Variants in PRELID3B observed in about 807,000 individuals in gnomAD.
PRELID3B encodes PRELI domain containing 3B.
In PRELID3B, 15 loss-of-function variants were observed where a neutral mutation model predicts 24.0. That is an observed-to-expected ratio of 0.63 (90% confidence interval 0.42 to 0.96). The LOEUF is 0.96. Ranked by LOEUF, PRELID3B falls within the 40% of genes least tolerant of loss-of-function variation. The pLI is 0.00. For synonymous variants in PRELID3B, 62 were observed against 76.0 expected (o/e 0.82, Z 0.96); for missense variants, 189 against 236.0 (o/e 0.80, Z 1.30).
intron 1 of PRELID3B, among the ~76,000 whole-genome samples, chr20:59,042,307 C>T (rs1465841254): frequency 1.3e-5 from 2 of 152,276 alleles, no homozygotes; most frequent in East Asian, 1.9e-4. Flanking sequence ...CTCTTGGGAT[C>T]CTCGGGTCCA....
chr20:59,041,144 TCTGAAGCATGCAAACCCAGAAGAGGA>T (rs1411936907), intron 1 of PRELID3B, among the ~76,000 whole-genome samples: 1 of 152,042 alleles, frequency 6.6e-6, no homozygotes, highest in Non-Finnish European at 1.5e-5. Flanking sequence ...GCCGAGAACC[TCTGAAGCATGCAAACCCAGAAGAGGA>T]CTGAAGCATG....
chr20:59,039,980 CT>C (rs1467890901), intron 1 of PRELID3B, among the ~76,000 whole-genome samples: 1 of 152,192 alleles, frequency 6.6e-6, no homozygotes, highest in Admixed American at 6.5e-5. Context: ...AGCACTGATT[CT>C]TACCAAGGCA....
rs61329417 is a variant in PRELID3B at position 59,038,649 on chromosome 20, C to CAA, written c.33-17_33-16dup. The CAA allele has an allele frequency of 1.2e-4, 152 of 1,303,486 alleles. No homozygotes were observed. Among genetic ancestry groups the CAA allele is most frequent in the South Asian group, 3.1e-4 (15 of 48,812 alleles). 80.7% of individuals were successfully genotyped at this position (1,303,486 alleles called of 1,614,324 possible). A position where few individuals can be genotyped will look rare whatever the true frequency, so the allele number is the denominator to read the frequency against. The stretch of plus-strand genomic sequence containing the variant: ...CCCACGGGTGGCTGCCGATGTGAAC[C>CAA]AAAAAAAAAAAAAAAAAAATTCAGA... On this transcript the variant is annotated splice_polypyrimidine_tract_variant and intron_variant, in intron 1 of 5. Coordinates refer to ENST00000355937, the MANE Select transcript of PRELID3B (RefSeq NM_016045.3).
rs1235239406 is a variant in PRELID3B, at chr20:59,040,367, T to C, written c.33-1733A>G. Among the ~76,000 whole-genome samples the C allele has an allele frequency of 6.6e-6, 1 of 152,260 alleles. No homozygotes were observed. Among genetic ancestry groups the C allele is most frequent in the African/African-American group, 2.4e-5 (1 of 41,470 alleles). The stretch of plus-strand genomic sequence containing the variant: ...ACGCCAAAGTAGAATCAGGAGGACC[T>C]GGCTATGGCTCACTGACCGGTCCAA... On this transcript the variant is annotated intron_variant, in intron 1 of 5. Coordinates refer to ENST00000355937, the MANE Select transcript of PRELID3B (RefSeq NM_016045.3). The surrounding 1 kb of genome is among the most constrained non-coding windows in gnomAD (Gnocchi z 4.1).
chr20:59,042,635 C>T (rs1316267826), intron 1 of PRELID3B, 64 bp downstream of exon 1: 3 of 1,545,560 alleles, frequency 1.9e-6, no homozygotes, highest in African/African-American at 1.4e-5. Context: ...CCGCCTCTGC[C>T]TCGCCTCTAC....
chr20:59,039,054 C>T (rs542751131), intron 1 of PRELID3B, among the ~76,000 whole-genome samples: 26 of 152,256 alleles, frequency 1.7e-4, no homozygotes, highest in East Asian at 1.2e-3. Context: ...TCAGTTTATA[C>T]GGAAGTAACA....
rs2092103634 is a variant in PRELID3B at position 59,040,598 on chromosome 20, CAG to C, written c.33-1966_33-1965del. On this transcript the variant is annotated intron_variant, in intron 1 of 5. Transcript: ENST00000355937. The surrounding 1 kb of genome is among the most constrained non-coding windows in gnomAD (Gnocchi z 4.1). ...AAGAAAAGTGTTGGAAAATCAAAGA[CAG>C]ATAAGATGTAGAATGATGACTTAGA... 6.6e-6 allele frequency among the ~76,000 whole-genome samples: 1 copy of C among 152,184 alleles called. No homozygotes were observed. The highest frequency in any genetic ancestry group is 6.5e-5 in the Admixed American group (1 of 15,286).
chr20:59,041,226 G>A (rs958678640), intron 1 of PRELID3B, among the ~76,000 whole-genome samples: 2 of 152,160 alleles, frequency 1.3e-5, no homozygotes, highest in African/African-American at 2.4e-5. Context: ...GAGCTGAAAT[G>A]GACTAGTGAT....
In PRELID3B at chr20:59,033,700, C is replaced by T. The variant is rs2092050436; in HGVS notation, c.*1307G>A. 1 of 152,204 alleles carries T rather than the reference C, an allele frequency of 6.6e-6. No homozygotes were observed. Among genetic ancestry groups the T allele is most frequent in the African/African-American group, 2.4e-5 (1 of 41,434 alleles). The allele number at this position is 152,204 out of a possible 1,614,324, so 9.4% of individuals were successfully genotyped here. ...AGGAAACATGACTAGAAGTTTATCACACTAAGCACTGTAAAATAAAGGCAA... is the reference window on the plus strand; with the variant it reads ...AGGAAACATGACTAGAAGTTTATCATACTAAGCACTGTAAAATAAAGGCAA... On this transcript the variant is annotated 3_prime_UTR_variant, in exon 6 of 6. Coordinates refer to ENST00000355937, the MANE Select transcript of PRELID3B (RefSeq NM_016045.3).
rs34173406 is a variant in PRELID3B at position 59,034,890 on chromosome 20, CA to C, written c.*116del. 18,147 of 664,394 alleles carry C rather than the reference CA, an allele frequency of 0.027. 30 individuals are homozygous for C. The highest frequency in any genetic ancestry group is 0.057 in the African/African-American group (2,344 of 41,392). 41.2% of individuals were successfully genotyped at this position (664,394 alleles called of 1,614,324 possible). On this transcript the variant is annotated 3_prime_UTR_variant, in exon 6 of 6. Transcript: ENST00000355937. ...GTCACATAGCCTTACACCAACTTAT[CA>C]AAAAAAAAAAAAAAAAAACTACCCA...
chr20:59,038,825 T>A (rs2092092900), intron 1 of PRELID3B, among the ~76,000 whole-genome samples, 191 bp from the exon 2 acceptor site: 1 of 152,212 alleles, frequency 6.6e-6, no homozygotes, highest in Non-Finnish European at 1.5e-5. Flanking sequence ...CAGGCTTCAG[T>A]ATTTTTCCAC....
At chr20:59,042,325 A>G (rs1043655461) in intron 1 of PRELID3B, among the ~76,000 whole-genome samples, 4 of 152,350 alleles carry the variant, frequency 2.6e-5, no homozygotes, top group Non-Finnish European at 4.4e-5. Context: ...CCACGTCCCA[A>G]AGTGGTTTCA....
At chr20:59,037,109 A>G (rs1328496317) in intron 3 of PRELID3B, 82 bp downstream of exon 3, 1 of 1,012,446 alleles carries the variant, frequency 9.9e-7, no homozygotes, top group South Asian at 1.4e-5. Flanking sequence ...ATGAACACGC[A>G]CTCACTTCTA....
intron 1 of PRELID3B, among the ~76,000 whole-genome samples, chr20:59,039,055 G>A (rs1490236508): frequency 3.3e-5 from 5 of 152,090 alleles, no homozygotes; most frequent in South Asian, 2.1e-4. Flanking sequence ...CAGTTTATAC[G>A]GAAGTAACAA....
rs745704134 is a variant in PRELID3B at position 59,036,468 on chromosome 20, T to C, written c.465+3A>G. 10 of 1,605,814 alleles carry C rather than the reference T, an allele frequency of 6.2e-6. No homozygotes were observed. The highest frequency in any genetic ancestry group is 6.0e-6 in the Non-Finnish European group (7 of 1,174,274). ...ATAATAACCAAGAAGCAGCCTCACT[T>C]ACTTTACTAGCATTTGAGGATATCG... On this transcript the variant is annotated splice_donor_region_variant and intron_variant, in intron 5 of 5. Transcript: ENST00000355937.
chr20:59,036,869 CAAAT>C (rs1358846274), intron 3 of PRELID3B, 109 bp from the exon 4 acceptor site: 27 of 724,992 alleles, frequency 3.7e-5, no homozygotes, highest in Middle Eastern at 3.8e-4. Context: ...TACAAAACAA[CAAAT>C]AAACCGCTGC....
intron 3 of PRELID3B, 84 bp downstream of exon 3, chr20:59,037,107 G>A (rs1332362365): frequency 4.1e-6 from 4 of 982,136 alleles, no homozygotes; most frequent in Admixed American, 2.0e-5. Flanking sequence ...TCATGAACAC[G>A]CACTCACTTC....
intron 1 of PRELID3B, among the ~76,000 whole-genome samples, chr20:59,039,452 CACA>C (rs144360277): frequency 0.017 from 2,648 of 152,322 alleles, 27 homozygotes; most frequent in Non-Finnish European, 0.022. Flanking sequence ...TTGTTCACTT[CACA>C]ACTTCTGTGA....
At position 59,034,890 on chromosome 20, in the gene PRELID3B, CAA is replaced by C. The variant is rs34173406; in HGVS notation, c.*115_*116del. 0.028 allele frequency: 18,474 copies of C among 662,756 alleles called. 30 individuals are homozygous for C. The highest frequency in any genetic ancestry group is 0.04 in the Middle Eastern group (79 of 1,990). The allele number at this position is 662,756 out of a possible 1,614,324, so 41.1% of individuals were successfully genotyped here. ...GTCACATAGCCTTACACCAACTTAT[CAA>C]AAAAAAAAAAAAAAAAACTACCCAA... On this transcript the variant is annotated 3_prime_UTR_variant, in exon 6 of 6. Coordinates refer to ENST00000355937, the MANE Select transcript of PRELID3B (RefSeq NM_016045.3).
Sources: gnomAD v4.1 joint callset for allele counts (sites outside exome capture counted in the v4.1 genomes callset) on GRCh38, gnomAD v4.1.1 for gene constraint, Gnocchi (gnomAD v3.1) non-coding constraint, MANE v1.5 for transcripts, NCBI Gene and HGNC (gene_info 2026-07-23, HGNC 2026-07-21) for gene names.